Variants in GID4 observed in about 807,000 individuals in gnomAD.
GID4 encodes glucose-induced degradation protein 4 homolog.
Under a neutral mutation model 32.4 loss-of-function variants are expected in GID4, and 7 were observed. The ratio of observed to expected loss-of-function variants is 0.22; its 90% CI spans 0.12 to 0.41. The LOEUF is 0.41. GID4 is among the 10% of genes least tolerant of loss of function. GID4 has a pLI of 1.00. For missense variants in GID4, 309 were observed against 400.0 expected (o/e 0.77, Z 1.94); for synonymous variants, 166 against 170.0 (o/e 0.98, Z 0.18).
chr17:18,066,460 G>GTGTT lies in GID4; in HGVS notation c.*1220_*1221insTTGT, dbSNP rs1293399411. On this transcript the variant is annotated 3_prime_UTR_variant, in exon 6 of 6. Transcript: ENST00000268719. ...GAGGCTCACGTGCCAAAGTGTGTGT[G>GTGTT]TGTGTGTGTGTGTGTGTGTGTGTGT... The GTGTT allele has an allele frequency of 1.3e-5, 2 of 151,578 alleles. No individual in the cohort carries two copies. Among genetic ancestry groups the GTGTT allele is most frequent in the Non-Finnish European group, 2.9e-5 (2 of 67,860 alleles). 9.4% of individuals were successfully genotyped at this position (151,578 alleles called of 1,614,324 possible).
At chr17:18,059,429 T>C (rs1266453291) in intron 4 of GID4, among the ~76,000 whole-genome samples, 1 of 152,078 alleles carries the variant, frequency 6.6e-6, no homozygotes, top group African/African-American at 2.4e-5. Flanking sequence ...CACATCCTTT[T>C]CCCAGAGCTC....
intron 3 of GID4, chr17:18,056,979 A>G (rs1290298661): frequency 1.2e-5 from 19 of 1,550,478 alleles, no homozygotes; most frequent in African/African-American, 5.5e-5. Flanking sequence ...GAGATTTACA[A>G]TGTCTAATAC....
At chr17:18,046,226 G>C (rs1431831847) in intron 2 of GID4, among the ~76,000 whole-genome samples, 2 of 152,178 alleles carry the variant, frequency 1.3e-5, no homozygotes, top group African/African-American at 4.8e-5. Context: ...AAAGGAGCTG[G>C]GGTGGCATTC....
At chr17:18,058,993 C>G (rs1422226032) in intron 4 of GID4, 24 bp downstream of exon 4, 2 of 1,376,364 alleles carry the variant, frequency 1.5e-6, no homozygotes, top group Non-Finnish European at 2.1e-6. Context: ...AGGTGGCCCT[C>G]CAGACTCCCA....
chr17:18,055,150 AAC>A (rs1289844904), intron 3 of GID4, among the ~76,000 whole-genome samples: 1 of 151,602 alleles, frequency 6.6e-6, no homozygotes, highest in Admixed American at 6.6e-5. Context: ...CAGCCTGAGC[AAC>A]AGAGTGAGAC....
intron 2 of GID4, among the ~76,000 whole-genome samples, chr17:18,047,839 C>T (rs1028240305): frequency 3.3e-5 from 5 of 152,086 alleles, no homozygotes; most frequent in African/African-American, 9.7e-5. Flanking sequence ...ATACATTTCA[C>T]CCATTTGAAG....
rs142484734 is a variant in GID4, at chr17:18,061,480, G to A, written c.709-365G>A. Among the ~76,000 whole-genome samples the A allele has an allele frequency of 3.3e-4, 50 of 152,304 alleles. No homozygotes were observed. The East Asian group carries it at 8.5e-3, about 26-fold the overall frequency. On this transcript the variant is annotated intron_variant, in intron 4 of 5. Coordinates refer to ENST00000268719, the MANE Select transcript of GID4 (RefSeq NM_024052.5). The surrounding 1 kb of genome is among the most constrained non-coding windows in gnomAD (Gnocchi z 4.4). ...TTCTGAGAACTGGAGCAGAAACTTC[G>A]CTCTTCCCAGGTTGATTGTCTGTGG...
At chr17:18,049,482 T>G (rs2044888762) in intron 2 of GID4, among the ~76,000 whole-genome samples, 1 of 152,110 alleles carries the variant, frequency 6.6e-6, no homozygotes, top group South Asian at 2.1e-4. Context: ...ATGCGCAGGT[T>G]TGATCTATAG....
chr17:18,059,990 G>A (rs1229733347), intron 4 of GID4, among the ~76,000 whole-genome samples: 1 of 151,258 alleles, frequency 6.6e-6, no homozygotes, highest in South Asian at 2.1e-4. Context: ...GGAGGCTAAG[G>A]CAGGGGAATC....
chr17:18,056,996 C>T, intron 3 of GID4: 1 of 1,548,034 alleles, frequency 6.5e-7, no homozygotes, highest in Non-Finnish European at 8.7e-7. Flanking sequence ...ATACACTTCA[C>T]CTAGGCTGTC....
rs372422813 is a variant in GID4, at chr17:18,054,092, A to T, written c.499-35A>T. The T allele has an allele frequency of 2.4e-5, 29 of 1,196,984 alleles. No homozygotes were observed. In the African/African-American group the frequency reaches 4.1e-4, roughly 17 times the overall value. The allele number at this position is 1,196,984 out of a possible 1,614,324, so 74.1% of individuals were successfully genotyped here. A position where few individuals can be genotyped will look rare whatever the true frequency, so the allele number is the denominator to read the frequency against. On this transcript the variant is annotated intron_variant, in intron 2 of 5. Transcript: ENST00000268719. ...GTACAAAGGTTAAAAACTCTCACTC[A>T]ACATCTTATTTTGATATTTGGGTTT...
chr17:18,056,871 G>C, intron 3 of GID4: 2 of 1,550,594 alleles, frequency 1.3e-6, no homozygotes, highest in Admixed American at 2.0e-5. Flanking sequence ...GGCTGCTTTT[G>C]TAGTACTCAG....
intron 2 of GID4, among the ~76,000 whole-genome samples, chr17:18,049,551 G>C (rs1469710694): frequency 6.6e-6 from 1 of 151,956 alleles, no homozygotes; most frequent in Non-Finnish European, 1.5e-5. Context: ...TGTCACCCAG[G>C]TATTAAGCCT....
chr17:18,050,921 G>A (rs942239845), intron 2 of GID4, among the ~76,000 whole-genome samples: 7 of 152,172 alleles, frequency 4.6e-5, no homozygotes, highest in African/African-American at 1.7e-4. Flanking sequence ...TCATTGGGCT[G>A]TAATAAAGTG....
chr17:18,054,113 G>C lies in GID4; in HGVS notation c.499-14G>C, dbSNP rs2044941386. ...ACTCAACATCTTATTTTGATATTTG[G>C]GTTTTTACCATAGGAGTATCCAACC... On this transcript the variant is annotated splice_polypyrimidine_tract_variant and intron_variant, in intron 2 of 5. Transcript: ENST00000268719. The C allele has an allele frequency of 7.2e-7, 1 of 1,387,946 alleles. No homozygotes were observed. Among genetic ancestry groups the C allele is most frequent in the African/African-American group, 1.4e-5 (1 of 69,874 alleles). 86.0% of individuals were successfully genotyped at this position (1,387,946 alleles called of 1,614,324 possible).
chr17:18,058,419 C>T (rs970100582), intron 3 of GID4, among the ~76,000 whole-genome samples: 11 of 152,154 alleles, frequency 7.2e-5, no homozygotes, highest in African/African-American at 2.7e-4. Flanking sequence ...TGGCCCAAGC[C>T]CCTAGATCAT....
At chr17:18,060,381 G>A (rs1310214222) in intron 4 of GID4, among the ~76,000 whole-genome samples, 1 of 125,628 alleles carries the variant, frequency 8.0e-6, no homozygotes, top group Non-Finnish European at 1.6e-5. Flanking sequence ...CTGGGTGACA[G>A]AGCAAGACTC....
In GID4 at chr17:18,039,508, C is replaced by G; in HGVS notation, c.44C>G (p.Thr15Ser). ...GTCGGGAGGGGGACCCAGCTCAGGACTGGGAGGCCCTGCTCGCAGGTCCCT... is the reference window on the plus strand; with the variant it reads ...GTCGGGAGGGGGACCCAGCTCAGGAGTGGGAGGCCCTGCTCGCAGGTCCCT... Reference protein sequence around the residue: ...GQVGRGTQLRTGRPCSQVPGS... With the variant: ...GQVGRGTQLRSGRPCSQVPGS... Residue 15 changes from threonine to serine, a missense_variant, in exon 1 of 6, where the codon ACT becomes AGT. By Grantham distance (58) the Thr-to-Ser change is moderately conservative. This residue lies in a region of GID4 where 193 missense variants were observed against 185.8 expected (regional missense o/e 1.04). Transcript: ENST00000268719. This position sits in a 1 kb window ranked among gnomAD's most constrained non-coding sequence, Gnocchi z 5.3. 1 of 1,319,402 alleles carries G rather than the reference C, an allele frequency of 7.6e-7. No homozygotes were observed. Among genetic ancestry groups the G allele is most frequent in the Non-Finnish European group, 9.6e-7 (1 of 1,039,082 alleles). The allele number at this position is 1,319,402 out of a possible 1,614,324, so 81.7% of individuals were successfully genotyped here. A position where few individuals can be genotyped will look rare whatever the true frequency, so the allele number is the denominator to read the frequency against.
chr17:18,043,033 C>G (rs1427713867), intron 1 of GID4, among the ~76,000 whole-genome samples: 2 of 152,158 alleles, frequency 1.3e-5, no homozygotes, highest in African/African-American at 4.8e-5. Flanking sequence ...ACTGTGACTC[C>G]TCTTTCCTCC....
Sources: allele counts gnomAD v4.1 joint callset (sites outside exome capture counted in the v4.1 genomes callset), GRCh38; gene constraint gnomAD v4.1.1; regional missense constraint gnomAD v4.1.1; non-coding constraint Gnocchi (gnomAD v3.1); transcripts MANE v1.5; gene names NCBI Gene and HGNC (gene_info 2026-07-23, HGNC 2026-07-21).